DLGAP1: variants seen among roughly 807,000 people sequenced by gnomAD.
DLGAP1 encodes DLG associated protein 1.
A neutral mutation model predicts 90.8 loss-of-function variants in DLGAP1; 11 were observed. The observed-to-expected ratio is 0.12, with a 90% CI of 0.08 to 0.20. The LOEUF is 0.20. DLGAP1 is among the 10% of genes least tolerant of loss of function. DLGAP1 has a pLI of 1.00. For synonymous variants in DLGAP1, 558 were observed against 540.7 expected (o/e 1.03, Z -0.44); for missense variants, 1,050 against 1,333.8 (o/e 0.79, Z 3.31).
intron 1 of DLGAP1, among the ~76,000 whole-genome samples, chr18:4,165,779 C>A (rs2076922871): frequency 6.6e-6 from 1 of 152,082 alleles, no homozygotes; most frequent in Non-Finnish European, 1.5e-5. Flanking sequence ...ACTACAAAAA[C>A]CATACAAGGA....
At chr18:4,159,748 A>G (rs930524246) in intron 1 of DLGAP1, among the ~76,000 whole-genome samples, 3 of 152,246 alleles carry the variant, frequency 2.0e-5, no homozygotes, top group Non-Finnish European at 4.4e-5. Context: ...CACGAAATAC[A>G]TAGGCTTATT....
intron 1 of DLGAP1, among the ~76,000 whole-genome samples, chr18:4,325,468 CA>C (rs2080796602): frequency 6.6e-6 from 1 of 152,078 alleles, no homozygotes; most frequent in Non-Finnish European, 1.5e-5. Context: ...CTATTCCTAT[CA>C]AACTACCAAT....
At chr18:3,544,064 A>G (rs1305769293) in intron 9 of DLGAP1, among the ~76,000 whole-genome samples, 3 of 152,216 alleles carry the variant, frequency 2.0e-5, no homozygotes, top group African/African-American at 7.2e-5. Context: ...TTTTTAAATG[A>G]AGACAAAATA....
intron 11 of DLGAP1, among the ~76,000 whole-genome samples, chr18:3,507,533 A>AAAACAT (rs1478603073): frequency 6.6e-5 from 10 of 152,200 alleles, no homozygotes; most frequent in South Asian, 2.1e-4. Context: ...AACAAAAACA[A>AAAACAT]AAACAAAAAC....
At position 3,499,460 on chromosome 18, in the gene DLGAP1, T is replaced by C. The variant is rs546308268; in HGVS notation, c.2725-66A>G. ...AGGACAAGCTTGGGAAAAACTGGGA[T>C]AGGTCAGTAGTTAGAACACACAGTT... is the stretch of plus-strand genomic sequence containing the variant. On this transcript the variant is annotated intron_variant, in intron 12 of 12. Transcript: ENST00000315677. The surrounding 1 kb of genome is among the most constrained non-coding windows in gnomAD (Gnocchi z 6.4). 1.5e-5 allele frequency: 22 copies of C among 1,505,862 alleles called. No individual in the cohort carries two copies. In the Admixed American group the frequency reaches 3.7e-4, roughly 25 times the overall value. The allele number at this position is 1,505,862 out of a possible 1,614,324, so 93.3% of individuals were successfully genotyped here.
chr18:4,262,274 T>C (rs2079018417), intron 1 of DLGAP1, among the ~76,000 whole-genome samples: 1 of 152,232 alleles, frequency 6.6e-6, no homozygotes, highest in Admixed American at 6.5e-5. Flanking sequence ...TTCTTCTATC[T>C]AATTCCCTTA....
At chr18:3,840,305 C>T (rs946224837) in intron 4 of DLGAP1, among the ~76,000 whole-genome samples, 2 of 152,126 alleles carry the variant, frequency 1.3e-5, no homozygotes, top group African/African-American at 4.8e-5. Flanking sequence ...GCCAGAAGTC[C>T]AAAATAGTTT....
At chr18:4,386,410 C>T (rs1338947888) in intron 1 of DLGAP1, among the ~76,000 whole-genome samples, 2 of 152,192 alleles carry the variant, frequency 1.3e-5, no homozygotes, top group Non-Finnish European at 2.9e-5. Flanking sequence ...CATTAACTGA[C>T]ATTAGGGACT....
intron 7 of DLGAP1, among the ~76,000 whole-genome samples, chr18:3,706,944 G>A (rs1370633616): frequency 2.0e-5 from 3 of 152,202 alleles, no homozygotes; most frequent in African/African-American, 7.2e-5. Flanking sequence ...TTGGGAATGG[G>A]CGGAAAAGGA....
At chr18:3,897,248 G>T (rs571859070) in intron 3 of DLGAP1, among the ~76,000 whole-genome samples, 1 of 152,304 alleles carries the variant, frequency 6.6e-6, no homozygotes, top group African/African-American at 2.4e-5. Context: ...ATGCTGCTAA[G>T]CTCAAGGCCG....
intron 6 of DLGAP1, among the ~76,000 whole-genome samples, chr18:3,741,106 CCA>C (rs2062947425): frequency 8.1e-6 from 1 of 123,980 alleles, no homozygotes; most frequent in Non-Finnish European, 1.6e-5. Context: ...ACCACCATCA[CCA>C]TCACCACCAC....
At chr18:4,364,149 C>T (rs968052778) in intron 1 of DLGAP1, among the ~76,000 whole-genome samples, 13 of 150,284 alleles carry the variant, frequency 8.7e-5, no homozygotes, top group African/African-American at 2.0e-4. Flanking sequence ...AGTAAACTAT[C>T]GCAAGGACAA....
chr18:3,533,252 GA>G (rs2052130630), intron 10 of DLGAP1, among the ~76,000 whole-genome samples: 1 of 152,086 alleles, frequency 6.6e-6, no homozygotes, highest in African/African-American at 2.4e-5. Context: ...GGCCCTGTCT[GA>G]AAAAAGAAAG....
At chr18:3,628,188 CTTTTT>C (rs71160904) in intron 7 of DLGAP1, among the ~76,000 whole-genome samples, 3 of 123,672 alleles carry the variant, frequency 2.4e-5, no homozygotes, top group Middle Eastern at 4.8e-3. Flanking sequence ...GTGCTATATT[CTTTTT>C]TTTTTTTTTT....
At chr18:4,336,259 G>T (rs10502323) in intron 1 of DLGAP1, among the ~76,000 whole-genome samples, 10,407 of 152,196 alleles carry the variant, frequency 0.068, 389 homozygotes, top group Non-Finnish European at 0.082. Context: ...AATAATTCCA[G>T]GTTGACCAAT....
chr18:3,825,217 C>T (rs2067646476), intron 4 of DLGAP1, among the ~76,000 whole-genome samples: 1 of 152,194 alleles, frequency 6.6e-6, no homozygotes, highest in African/African-American at 2.4e-5. Flanking sequence ...TCACTTTAAA[C>T]TGATTACTTT....
chr18:3,893,192 T>A (rs930411443), intron 3 of DLGAP1, among the ~76,000 whole-genome samples: 3 of 152,164 alleles, frequency 2.0e-5, no homozygotes, highest in Non-Finnish European at 2.9e-5. Context: ...GATAATGGCC[T>A]CCAGATCCAT....
At chr18:4,177,821 C>T (rs115119475) in intron 1 of DLGAP1, among the ~76,000 whole-genome samples, 4,062 of 152,214 alleles carry the variant, frequency 0.027, 155 homozygotes, top group African/African-American at 0.087. Context: ...GGCTGTGTAG[C>T]ATTCCGTCAT....
At chr18:4,257,652 T>C (rs938440128) in intron 1 of DLGAP1, among the ~76,000 whole-genome samples, 2 of 150,746 alleles carry the variant, frequency 1.3e-5, no homozygotes, top group Non-Finnish European at 3.0e-5. Flanking sequence ...TGAGATGGAG[T>C]GTCGCTCTGT....
Sources: allele counts gnomAD v4.1 joint callset (sites outside exome capture counted in the v4.1 genomes callset), GRCh38; gene constraint gnomAD v4.1.1; non-coding constraint Gnocchi (gnomAD v3.1); transcripts MANE v1.5; gene names NCBI Gene and HGNC (gene_info 2026-07-23, HGNC 2026-07-21).